CNTNAP4: variants seen among roughly 807,000 people sequenced by gnomAD.
CNTNAP4 encodes the protein contactin associated protein family member 4.
Under a neutral mutation model 148.4 loss-of-function variants are expected in CNTNAP4, and 98 were observed. That is an observed-to-expected ratio of 0.66 (90% CI 0.56 to 0.78). CNTNAP4 has a LOEUF of 0.78. Among genes scored for constraint, CNTNAP4 ranks in the 30% least tolerant of loss-of-function variants. The pLI is 0.00. For synonymous variants in CNTNAP4, 730 were observed against 565.1 expected, an observed-to-expected ratio of 1.29 and a Z score of -4.14; for missense variants, 1,935 against 1,565.6, an observed-to-expected ratio of 1.24 and a Z score of -3.98.
intron 1 of CNTNAP4, among the ~76,000 whole-genome samples, chr16:76,302,863 A>C (rs1179646752): frequency 6.6e-6 from 1 of 152,158 alleles, no homozygotes; most frequent in East Asian, 1.9e-4. Flanking sequence ...GGAGGGCTCT[A>C]TGCCACGATG....
chr16:76,447,140 C>T lies in CNTNAP4; in HGVS notation c.539-872C>T, dbSNP rs1019153862. On this transcript the variant is annotated intron_variant, in intron 4 of 23. Coordinates refer to ENST00000611870, the MANE Select transcript of CNTNAP4 (RefSeq NM_033401.5). Reference sequence around the variant, plus strand: ...CTGGGCAACATAATGAGGACTTCATCTCCATAAAAAATAAACAAAATTAGC... The same window carrying T: ...CTGGGCAACATAATGAGGACTTCATTTCCATAAAAAATAAACAAAATTAGC... 2.6e-5 allele frequency among the ~76,000 whole-genome samples: 4 copies of T among 151,908 alleles called. No homozygotes were observed. In the East Asian group the frequency reaches 5.8e-4, roughly 22 times the overall value.
At chr16:76,471,012 A>C (rs539135273) in intron 10 of CNTNAP4, among the ~76,000 whole-genome samples, 1 of 150,990 alleles carries the variant, frequency 6.6e-6, no homozygotes, top group Non-Finnish European at 1.5e-5. Context: ...ACACACAACC[A>C]TCCTTTTACA....
chr16:76,307,726 C>T (rs1041547504), intron 1 of CNTNAP4, among the ~76,000 whole-genome samples: 2 of 152,014 alleles, frequency 1.3e-5, no homozygotes, highest in Admixed American at 6.6e-5. Flanking sequence ...ACCCCTTCAC[C>T]TTTGATTGGT....
chr16:76,424,791 C>T (rs951836173), intron 3 of CNTNAP4, among the ~76,000 whole-genome samples: 1 of 151,934 alleles, frequency 6.6e-6, no homozygotes, highest in African/African-American at 2.4e-5. Flanking sequence ...AAGACGTAAG[C>T]TTACACATAC....
intron 1 of CNTNAP4, among the ~76,000 whole-genome samples, chr16:76,286,635 G>A (rs1597080171): frequency 6.6e-6 from 1 of 152,064 alleles, no homozygotes; most frequent in South Asian, 2.1e-4. Flanking sequence ...ATAAATTGAA[G>A]CATAATTTAA....
intron 1 of CNTNAP4, among the ~76,000 whole-genome samples, chr16:76,288,544 C>T (rs1958982011): frequency 1.3e-5 from 2 of 152,156 alleles, no homozygotes; most frequent in Non-Finnish European, 1.5e-5. Flanking sequence ...GTCTCACCAC[C>T]TCAACTTTAA....
intron 23 of CNTNAP4, among the ~76,000 whole-genome samples, chr16:76,554,480 T>A (rs2085106877): frequency 6.6e-6 from 1 of 152,184 alleles, no homozygotes; most frequent in African/African-American, 2.4e-5. Flanking sequence ...GTAGTAACTT[T>A]AAATTGCAGA....
At position 76,494,981 on chromosome 16, in the gene CNTNAP4, G is replaced by T; in HGVS notation, c.2152G>T (p.Asp718Tyr). ...AACCTACTGGGGAGGTTCTTCGCCT[G>T]ATCTTCAAAAATGTACTTGTGGATT... ...TQTYWGGSSP[D>Y]LQKCTCGLEG... Residue 718 changes from aspartate (D) to tyrosine (Y), a missense_variant, in exon 14 of 24, where the codon GAT (aspartate) becomes TAT (tyrosine). Coordinates refer to ENST00000611870, the MANE Select transcript of CNTNAP4 (RefSeq NM_033401.5). 6.2e-7 allele frequency: 1 copy of T among 1,613,594 alleles called. No individual in the cohort carries two copies. Among genetic ancestry groups the T allele is most frequent in the Non-Finnish European group, 8.5e-7 (1 of 1,179,614 alleles).
chr16:76,449,461 T>C (rs1771526963), intron 6 of CNTNAP4, among the ~76,000 whole-genome samples: 2 of 152,220 alleles, frequency 1.3e-5, no homozygotes, highest in South Asian at 4.1e-4. Context: ...TACCATGTTA[T>C]AAAGATGTAT....
chr16:76,410,861 T>C (rs986060948), intron 3 of CNTNAP4, among the ~76,000 whole-genome samples: 2 of 151,634 alleles, frequency 1.3e-5, no homozygotes, highest in African/African-American at 4.8e-5. Context: ...CACTAAATCT[T>C]AATATTACAA....
At chr16:76,429,590 G>A (rs912733978) in intron 4 of CNTNAP4, among the ~76,000 whole-genome samples, 19 of 152,062 alleles carry the variant, frequency 1.2e-4, no homozygotes, top group African/African-American at 4.6e-4. Context: ...AACATTAAGA[G>A]CAACAGTTTA....
intron 1 of CNTNAP4, among the ~76,000 whole-genome samples, chr16:76,292,456 G>A (rs1051640396): frequency 6.6e-6 from 1 of 152,158 alleles, no homozygotes; most frequent in African/African-American, 2.4e-5. Flanking sequence ...AGGCACAGCT[G>A]TCTCTCCAGC....
chr16:76,390,270 C>T (rs968256043), intron 3 of CNTNAP4, among the ~76,000 whole-genome samples: 1 of 152,190 alleles, frequency 6.6e-6, no homozygotes, highest in African/African-American at 2.4e-5. Context: ...GTGGGCATCT[C>T]TTACTACAGT....
chr16:76,496,943 G>A (rs762817159), intron 14 of CNTNAP4, among the ~76,000 whole-genome samples: 4 of 152,140 alleles, frequency 2.6e-5, no homozygotes, highest in Admixed American at 6.5e-5. Flanking sequence ...ATCACAATGT[G>A]TAAACAAAGG....
intron 9 of CNTNAP4, among the ~76,000 whole-genome samples, chr16:76,462,476 C>G (rs903211776): frequency 5.3e-5 from 8 of 152,174 alleles, no homozygotes; most frequent in African/African-American, 1.9e-4. Flanking sequence ...TCCTTCAGAG[C>G]ATCCTTATTG....
intron 8 of CNTNAP4, among the ~76,000 whole-genome samples, chr16:76,460,412 AACT>A (rs980123244): frequency 1.3e-5 from 2 of 151,644 alleles, no homozygotes; most frequent in Non-Finnish European, 2.9e-5. Flanking sequence ...CCTGGCCAAA[AACT>A]ACTATTTCTA....
Position 76,448,167 on chromosome 16 carries a change from A to G in CNTNAP4, c.694A>G (p.Ile232Val). The G allele has an allele frequency of 6.2e-7, 1 of 1,613,700 alleles. No homozygotes were observed. The highest frequency in any genetic ancestry group is 1.3e-5 in the African/African-American group (1 of 75,046). Reference protein sequence around the residue: ...LHREGPNGDHITLQLRRARLF... With the variant: ...LHREGPNGDHVTLQLRRARLF... ...CAGGGAAGGGCCAAATGGAGATCACATCACACTGCAATTAAGAAGAGCAAG... is the reference window on the plus strand; with the variant it reads ...CAGGGAAGGGCCAAATGGAGATCACGTCACACTGCAATTAAGAAGAGCAAG... The change falls in exon 5 of 24, where the codon ATC becomes GTC. Residue 232 changes from isoleucine (I) to valine (V), a missense_variant. By Grantham distance (29) the Ile-to-Val change is conservative. Coordinates refer to ENST00000611870, the MANE Select transcript of CNTNAP4 (RefSeq NM_033401.5).
In CNTNAP4 at chr16:76,371,582, G is replaced by A. The variant is rs149253427; in HGVS notation, c.390+16071G>A. On this transcript the variant is annotated intron_variant, in intron 3 of 23. Transcript: ENST00000611870. ...TTACAGGCATGAGCCACCACACCTGGCCTGTTGTCACTTCTGGGACAAGGT... is the reference window on the plus strand; with the variant it reads ...TTACAGGCATGAGCCACCACACCTGACCTGTTGTCACTTCTGGGACAAGGT... Among the ~76,000 whole-genome samples the A allele has an allele frequency of 2.6e-5, 4 of 152,264 alleles. No individual in the cohort carries two copies. The East Asian group carries it at 5.8e-4, about 22-fold the overall frequency.
chr16:76,531,416 C>A (rs1031325300), intron 17 of CNTNAP4, among the ~76,000 whole-genome samples: 4 of 152,088 alleles, frequency 2.6e-5, no homozygotes, highest in African/African-American at 7.2e-5. Flanking sequence ...CAGATGCAGG[C>A]CCTCAATACC....
Sources: gnomAD v4.1 joint callset for allele counts (sites outside exome capture counted in the v4.1 genomes callset) on GRCh38, gnomAD v4.1.1 for gene constraint, MANE v1.5 for transcripts, NCBI Gene and HGNC (gene_info 2026-07-23, HGNC 2026-07-21) for gene names.